Variants in FRMD4A observed in about 807,000 individuals in gnomAD.
FRMD4A encodes the protein FERM domain-containing protein 4A.
Under a neutral mutation model 129.1 loss-of-function variants are expected in FRMD4A, and 29 were observed. The ratio of observed to expected loss-of-function variants is 0.22; its 90% CI spans 0.17 to 0.31. The LOEUF (loss-of-function observed/expected upper bound fraction) is 0.31, where lower values mean the gene tolerates loss of function less well. FRMD4A is among the 10% of genes least tolerant of loss of function. The pLI is 1.00. For missense variants in FRMD4A, 1,272 were observed against 1,375.8 expected, an observed-to-expected ratio of 0.92 and a Z score of 1.19; for synonymous variants, 634 against 571.6, an observed-to-expected ratio of 1.11 and a Z score of -1.56.
chr10:13,819,699 CTTTT>C (rs769973791), intron 3 of FRMD4A, among the ~76,000 whole-genome samples: 1 of 131,878 alleles, frequency 7.6e-6, no homozygotes, highest in Admixed American at 8.0e-5. Flanking sequence ...ATATTGTCTC[CTTTT>C]TTTTTTTTTT....
intron 2 of FRMD4A, among the ~76,000 whole-genome samples, chr10:14,002,172 C>G (rs1240028081): frequency 1.3e-5 from 2 of 152,160 alleles, no homozygotes; most frequent in Non-Finnish European, 2.9e-5. Context: ...TTCCCAGACA[C>G]ACAAAAACCC....
At chr10:13,801,412 C>G (rs1001686103) in intron 4 of FRMD4A, among the ~76,000 whole-genome samples, 21 of 152,244 alleles carry the variant, frequency 1.4e-4, no homozygotes, top group African/African-American at 4.3e-4. Context: ...CACTCCAATC[C>G]CATGAGGGGA....
At chr10:14,258,113 G>A (rs1844679109) in intron 2 of FRMD4A, among the ~76,000 whole-genome samples, 1 of 151,262 alleles carries the variant, frequency 6.6e-6, no homozygotes, top group Non-Finnish European at 1.5e-5. Context: ...AGTGACCTTG[G>A]GTTTGGAAAA....
At chr10:14,078,143 C>G (rs1410551851) in intron 2 of FRMD4A, among the ~76,000 whole-genome samples, 3 of 152,136 alleles carry the variant, frequency 2.0e-5, no homozygotes, top group Admixed American at 2.0e-4. Flanking sequence ...AATGAATAAT[C>G]GTAATAAATA....
At chr10:14,062,235 C>T (rs1834847917) in intron 2 of FRMD4A, among the ~76,000 whole-genome samples, 1 of 152,090 alleles carries the variant, frequency 6.6e-6, no homozygotes, top group Non-Finnish European at 1.5e-5. Flanking sequence ...TATTTACAGA[C>T]AGAAATGTTT....
intron 12 of FRMD4A, among the ~76,000 whole-genome samples, chr10:13,723,518 C>G (rs1190068549): frequency 6.6e-6 from 1 of 152,132 alleles, no homozygotes; most frequent in Non-Finnish European, 1.5e-5. Context: ...TTCTGAAGAT[C>G]TGTTGCGCAA....
chr10:14,294,234 G>T (rs1336426813), intron 2 of FRMD4A, among the ~76,000 whole-genome samples: 1 of 152,044 alleles, frequency 6.6e-6, no homozygotes, highest in Non-Finnish European at 1.5e-5. Flanking sequence ...ATTATTTTGT[G>T]CATATGATGT....
intron 24 of FRMD4A, among the ~76,000 whole-genome samples, chr10:13,650,350 G>T (rs1296939058): frequency 6.6e-6 from 1 of 152,178 alleles, no homozygotes; most frequent in African/African-American, 2.4e-5. Context: ...TACCTGGTCT[G>T]GGAAGGTGCT....
chr10:14,330,847 A>G lies in FRMD4A; in HGVS notation c.-332T>C. On this transcript the variant is annotated 5_prime_UTR_variant, in exon 1 of 25. Coordinates refer to ENST00000357447, the MANE Select transcript of FRMD4A (RefSeq NM_018027.5). ...TCCCGGTAGGGCTAACATACTTAAG[A>G]GGAACATGGAATTGCACTGCCTGTT... 1 of 398,656 alleles carries G rather than the reference A, an allele frequency of 2.5e-6. No homozygotes were observed. Among genetic ancestry groups the G allele is most frequent in the Non-Finnish European group, 4.4e-6 (1 of 226,162 alleles). 24.7% of individuals were successfully genotyped at this position (398,656 alleles called of 1,614,324 possible).
intron 2 of FRMD4A, among the ~76,000 whole-genome samples, chr10:14,065,589 ATCAC>A (rs895670419): frequency 6.6e-6 from 1 of 152,136 alleles, no homozygotes; most frequent in African/African-American, 2.4e-5. Context: ...AGACCCAGAA[ATCAC>A]TCACTCAAGC....
chr10:13,964,822 G>A (rs1430077299), intron 2 of FRMD4A, among the ~76,000 whole-genome samples: 1 of 151,948 alleles, frequency 6.6e-6, no homozygotes, highest in Admixed American at 6.6e-5. Context: ...CTGGGTAGCT[G>A]GGCCTACAGG....
At chr10:13,788,417 A>G (rs577844420) in intron 5 of FRMD4A, among the ~76,000 whole-genome samples, 27 of 152,230 alleles carry the variant, frequency 1.8e-4, no homozygotes, top group African/African-American at 5.8e-4. Context: ...CTCTTGCCCA[A>G]TTGTTTCCCG....
chr10:13,707,958 T>G, intron 12 of FRMD4A: 489 of 885,918 alleles, frequency 5.5e-4, no homozygotes, highest in Middle Eastern at 1.1e-3. Flanking sequence ...AGGAACGGGG[T>G]TCCTTTCATT....
chr10:13,702,715 AT>A (rs975291544), intron 13 of FRMD4A, among the ~76,000 whole-genome samples: 2 of 151,534 alleles, frequency 1.3e-5, no homozygotes, highest in Admixed American at 6.6e-5. Flanking sequence ...AAACAATAAC[AT>A]TTTTTTTCAT....
At position 13,683,865 on chromosome 10, in the gene FRMD4A, A is replaced by G. The variant is rs184192007; in HGVS notation, c.1118-8821T>C. ...GTAGCTGGGATTATAGTGCGCCACCATGCCTGACTAATTTTTCTATTTTTA... is the reference window on the plus strand; with the variant it reads ...GTAGCTGGGATTATAGTGCGCCACCGTGCCTGACTAATTTTTCTATTTTTA... On this transcript the variant is annotated intron_variant, in intron 15 of 24. Transcript: ENST00000357447. Among the ~76,000 whole-genome samples, 863 of 152,108 alleles carry G rather than the reference A, an allele frequency of 5.7e-3. 7 individuals carry two copies. Among genetic ancestry groups the G allele is most frequent in the African/African-American group, 0.02 (823 of 41,528 alleles).
chr10:13,828,461 A>G (rs2093736725), intron 3 of FRMD4A, among the ~76,000 whole-genome samples: 1 of 152,132 alleles, frequency 6.6e-6, no homozygotes, highest in South Asian at 2.1e-4. Context: ...TGCAAAAAAC[A>G]TGATTTCATT....
chr10:13,797,495 C>A (rs74121692), intron 4 of FRMD4A, among the ~76,000 whole-genome samples: 1 of 152,100 alleles, frequency 6.6e-6, no homozygotes, highest in Non-Finnish European at 1.5e-5. Flanking sequence ...GTCTTAGTGT[C>A]CTGTGAGTGG....
At chr10:13,868,194 A>G (rs1400224600) in intron 2 of FRMD4A, among the ~76,000 whole-genome samples, 1 of 151,662 alleles carries the variant, frequency 6.6e-6, no homozygotes, top group Non-Finnish European at 1.5e-5. Context: ...TTAAAGGCCA[A>G]AGGTTGATTG....
chr10:13,659,132 G>C lies in FRMD4A; in HGVS notation c.2066+191C>G, dbSNP rs191270260. 3.1e-3 allele frequency among the ~76,000 whole-genome samples: 469 copies of C among 152,308 alleles called. 2 individuals carry two copies. The highest frequency in any genetic ancestry group is 0.024 in the Middle Eastern group (7 of 294). On this transcript the variant is annotated intron_variant, in intron 21 of 24. Transcript: ENST00000357447. ...CCGGGGATTCTTTGGCTGACTCCAA[G>C]TGCCCTGTGCATGGGTCTCTTGGCT... is the stretch of plus-strand genomic sequence containing the variant.
Sources: allele counts gnomAD v4.1 joint callset (sites outside exome capture counted in the v4.1 genomes callset), GRCh38; gene constraint gnomAD v4.1.1; transcripts MANE v1.5; gene names NCBI Gene and HGNC (gene_info 2026-07-23, HGNC 2026-07-21).